Variants in NRG1 observed in about 807,000 individuals in gnomAD.
The protein encoded by NRG1 is pro-neuregulin-1, membrane-bound isoform.
In NRG1, 18 loss-of-function variants were observed where a neutral mutation model predicts 63.8. That is an observed-to-expected ratio of 0.28 (90% CI 0.19 to 0.42). The LOEUF (loss-of-function observed/expected upper bound fraction) is 0.42. Among genes scored for constraint, NRG1 ranks in the 10% least tolerant of loss-of-function variants. The pLI, the probability that NRG1 is intolerant of heterozygous loss-of-function variation, is 1.00. For synonymous variants in NRG1, 302 were observed against 301.3 expected (o/e 1.00, Z -0.02); for missense variants, 762 against 814.7 (o/e 0.94, Z 0.79).
intron 1 of NRG1, among the ~76,000 whole-genome samples, chr8:32,201,315 A>G (rs368116563): frequency 6.6e-6 from 1 of 152,272 alleles, no homozygotes; most frequent in South Asian, 2.1e-4. Flanking sequence ...CAGCATATCA[A>G]CCAGAATCTA....
intron 1 of NRG1, among the ~76,000 whole-genome samples, chr8:31,778,761 A>G (rs17660163): frequency 2.6e-5 from 4 of 152,042 alleles, no homozygotes; most frequent in Admixed American, 2.6e-4. Context: ...CATTTTGCCT[A>G]TGGAGAAATG....
At chr8:32,506,500 A>C (rs1004353783) in intron 1 of NRG1, among the ~76,000 whole-genome samples, 5 of 152,214 alleles carry the variant, frequency 3.3e-5, no homozygotes, top group Non-Finnish European at 7.3e-5. Flanking sequence ...CAAACAACAC[A>C]AAAGACAGAG....
At chr8:32,359,750 A>AT (rs1433028435) in intron 1 of NRG1, among the ~76,000 whole-genome samples, 1 of 152,156 alleles carries the variant, frequency 6.6e-6, no homozygotes, top group Non-Finnish European at 1.5e-5. Context: ...AGATACATTG[A>AT]TTTAAGGCAT....
Position 32,318,770 on chromosome 8 carries a change from A to G in NRG1, c.38-277058A>G, listed in dbSNP as rs146802291. On this transcript the variant is annotated intron_variant, in intron 1 of 10. Coordinates refer to the NRG1 transcript ENST00000519301. ...CAGTTTTATGACAGGCTGAGAAGTT[A>G]AGTCTCCTGTTGCAATTCCGTTTGC... 1.2e-3 allele frequency among the ~76,000 whole-genome samples: 184 copies of G among 152,316 alleles called. 1 individual carries two copies. The highest frequency in any genetic ancestry group is 4.4e-3 in the African/African-American group (181 of 41,574).
intron 1 of NRG1, among the ~76,000 whole-genome samples, chr8:32,040,486 C>A (rs1819762923): frequency 6.6e-6 from 1 of 151,678 alleles, no homozygotes; most frequent in Non-Finnish European, 1.5e-5. Context: ...TGCTGTTTTT[C>A]TTGCTGTTAG....
At chr8:32,086,925 T>G (rs556029893) in intron 1 of NRG1, among the ~76,000 whole-genome samples, 4 of 152,316 alleles carry the variant, frequency 2.6e-5, no homozygotes, top group Admixed American at 6.5e-5. Flanking sequence ...TTTAACACTT[T>G]ACATTTTAAG....
chr8:32,018,693 G>T (rs1213195775), intron 1 of NRG1, among the ~76,000 whole-genome samples: 4 of 152,158 alleles, frequency 2.6e-5, no homozygotes, highest in African/African-American at 4.8e-5. Flanking sequence ...GATGATTCCA[G>T]CCAAGGGCTG....
chr8:31,723,379 G>A (rs556701688), intron 1 of NRG1, among the ~76,000 whole-genome samples: 2 of 152,114 alleles, frequency 1.3e-5, no homozygotes, highest in African/African-American at 4.8e-5. Flanking sequence ...TCATGGATTT[G>A]CAGAACTTTC....
At chr8:31,915,010 T>G (rs1283574244) in intron 1 of NRG1, among the ~76,000 whole-genome samples, 1 of 152,082 alleles carries the variant, frequency 6.6e-6, no homozygotes, top group Admixed American at 6.6e-5. Context: ...AATATCAAAA[T>G]CATTTGTTTG....
At chr8:31,839,388 T>G (rs1000824764) in intron 1 of NRG1, among the ~76,000 whole-genome samples, 1 of 152,216 alleles carries the variant, frequency 6.6e-6, no homozygotes, top group African/African-American at 2.4e-5. Flanking sequence ...GAAAATATTT[T>G]CTTCATTGTT....
intron 1 of NRG1, among the ~76,000 whole-genome samples, chr8:32,398,014 T>A (rs1303192486): frequency 1.3e-5 from 2 of 152,198 alleles, no homozygotes. Flanking sequence ...TTCTGTGAAG[T>A]ATTTGGTTTT....
chr8:31,799,585 A>G (rs1337611978), intron 1 of NRG1, among the ~76,000 whole-genome samples: 2 of 152,028 alleles, frequency 1.3e-5, no homozygotes, highest in Admixed American at 1.3e-4. Context: ...TTAACATATA[A>G]TTATATGAAT....
chr8:32,366,454 C>T (rs1807999116), intron 1 of NRG1, among the ~76,000 whole-genome samples: 1 of 151,834 alleles, frequency 6.6e-6, no homozygotes, highest in African/African-American at 2.4e-5. Flanking sequence ...AATATTTTGT[C>T]TTTCTGTGCC....
At chr8:32,221,769 T>G (rs1268452879) in intron 1 of NRG1, among the ~76,000 whole-genome samples, 1 of 150,756 alleles carries the variant, frequency 6.6e-6, no homozygotes, top group East Asian at 1.9e-4. Context: ...GTGAATCTCT[T>G]GTGTTGGCAT....
intron 1 of NRG1, among the ~76,000 whole-genome samples, chr8:31,805,779 G>A (rs1822210575): frequency 7.4e-6 from 1 of 135,862 alleles, no homozygotes; most frequent in Non-Finnish European, 1.5e-5. Flanking sequence ...AGTGAGCCGA[G>A]ATTGCGCCAG....
intron 1 of NRG1, among the ~76,000 whole-genome samples, chr8:32,513,867 A>G (rs1233673161): frequency 1.3e-5 from 2 of 152,198 alleles, no homozygotes; most frequent in African/African-American, 2.4e-5. Flanking sequence ...ATATCAACAC[A>G]TATAATATTT....
At chr8:31,648,273 A>G (rs538303853) in intron 1 of NRG1, among the ~76,000 whole-genome samples, 7 of 151,554 alleles carry the variant, frequency 4.6e-5, no homozygotes, top group African/African-American at 1.7e-4. Flanking sequence ...AGCTGGGACT[A>G]CAGGCGCGCG....
intron 1 of NRG1, among the ~76,000 whole-genome samples, chr8:31,857,480 G>A (rs998934524): frequency 4.6e-5 from 7 of 152,206 alleles, no homozygotes; most frequent in African/African-American, 1.7e-4. Context: ...CTCGCGCAGG[G>A]TATGCGCACC....
rs1342547491 is a variant in NRG1 at position 32,119,187 on chromosome 8, A to T, written c.38-476641A>T. Among the ~76,000 whole-genome samples, 3 of 152,148 alleles carry T rather than the reference A, an allele frequency of 2.0e-5. No individual in the cohort carries two copies. The East Asian group carries it at 5.8e-4, about 29-fold the overall frequency. ...AGGAAAGAATGAGTATTACAAGGCAATTAGCTTTCTCTGCTGTGTTTTTAC... is the reference window on the plus strand; with the variant it reads ...AGGAAAGAATGAGTATTACAAGGCATTTAGCTTTCTCTGCTGTGTTTTTAC... On this transcript the variant is annotated intron_variant, in intron 1 of 10. Transcript: ENST00000519301.
Sources: gnomAD v4.1 joint callset for allele counts (sites outside exome capture counted in the v4.1 genomes callset) on GRCh38, gnomAD v4.1.1 for gene constraint, MANE v1.5 for transcripts, NCBI Gene and HGNC (gene_info 2026-07-23, HGNC 2026-07-21) for gene names.